TG: variants seen among roughly 807,000 people sequenced by gnomAD.
TG encodes the protein thyroglobulin.
Under a neutral mutation model 324.7 loss-of-function variants are expected in TG, and 270 were observed. The ratio of observed to expected loss-of-function variants is 0.83; its 90% confidence interval spans 0.75 to 0.92. The LOEUF (loss-of-function observed/expected upper bound fraction) is 0.92. Ranked by LOEUF, TG falls within the 40% of genes least tolerant of loss-of-function variation. TG has a pLI of 0.00. For synonymous variants in TG, 1,401 were observed against 1,327.0 expected, an observed-to-expected ratio of 1.06 and a Z score of -1.21; for missense variants, 3,591 against 3,456.4, an observed-to-expected ratio of 1.04 and a Z score of -0.98.
chr8:133,067,776 TAGAAAGAAAGAAAGAAAA>T (rs1189458283), intron 41 of TG, among the ~76,000 whole-genome samples: 8 of 140,916 alleles, frequency 5.7e-5, no homozygotes, highest in Non-Finnish European at 1.2e-4. Context: ...AGACTCCATC[TAGAAAGAAAGAAAGAAAA>T]AGAAAGAAAG....
chr8:132,949,117 C>A (rs531631315), intron 27 of TG, among the ~76,000 whole-genome samples, 174 bp downstream of exon 27: 1 of 151,934 alleles, frequency 6.6e-6, no homozygotes, highest in African/African-American at 2.4e-5. Context: ...TTCAGCAGAA[C>A]TCTATGGGAA....
At chr8:132,976,644 A>G (rs986640630) in intron 34 of TG, among the ~76,000 whole-genome samples, 2 of 152,182 alleles carry the variant, frequency 1.3e-5, no homozygotes, top group Non-Finnish European at 2.9e-5. Context: ...AAAGTGCTAC[A>G]ATGTCATCAG....
chr8:132,970,535 G>A (rs960992487), intron 32 of TG, among the ~76,000 whole-genome samples: 9 of 152,200 alleles, frequency 5.9e-5, no homozygotes, highest in Non-Finnish European at 8.8e-5. Flanking sequence ...ATGAACCATT[G>A]ATCTATGAAG....
intron 41 of TG, among the ~76,000 whole-genome samples, chr8:133,044,047 G>A (rs1838826803): frequency 6.6e-6 from 1 of 152,154 alleles, no homozygotes; most frequent in African/African-American, 2.4e-5. Flanking sequence ...TCCTTGGGAG[G>A]GGGAACTACT....
intron 35 of TG, among the ~76,000 whole-genome samples, chr8:133,010,071 C>A (rs1468746840): frequency 7.9e-5 from 12 of 152,198 alleles, no homozygotes; most frequent in Non-Finnish European, 2.9e-5. Flanking sequence ...GGCAAAGACC[C>A]TTTCATACCT....
chr8:133,060,498 G>T (rs1323805518), intron 41 of TG: 5 of 784,210 alleles, frequency 6.4e-6, no homozygotes, highest in South Asian at 1.8e-5. Flanking sequence ...CCACAGCAGG[G>T]TTTGTGTGAG....
Position 133,081,400 on chromosome 8 carries a change from T to A in TG, c.7240-13644T>A, listed in dbSNP as rs558430920. ...GACAATAAGCTAACTATGAAAACCA[T>A]CTGGGGGGAGAGCAGACCCTATTGT... On this transcript the variant is annotated intron_variant, in intron 41 of 47. Coordinates refer to ENST00000220616, the MANE Select transcript of TG (RefSeq NM_003235.5). Among the ~76,000 whole-genome samples, 4 of 152,326 alleles carry A rather than the reference T, an allele frequency of 2.6e-5. No homozygotes were observed. In the South Asian group the frequency reaches 8.3e-4, roughly 32 times the overall value.
intron 40 of TG, among the ~76,000 whole-genome samples, chr8:133,026,405 C>T (rs1836081999): frequency 6.6e-6 from 1 of 152,146 alleles, no homozygotes; most frequent in Non-Finnish European, 1.5e-5. Context: ...AGTCTTGGTT[C>T]CTACGGATGT....
chr8:132,913,481 C>T lies in TG; in HGVS notation c.4378+216C>T, dbSNP rs2132395761. Among the ~76,000 whole-genome samples, 2 of 152,300 alleles carry T rather than the reference C, an allele frequency of 1.3e-5. 1 individual carries two copies. Among genetic ancestry groups the T allele is most frequent in the South Asian group, 4.1e-4 (2 of 4,826 alleles). Reference sequence around the variant, plus strand: ...AAGGAGCCCCATATTTGCAGTGATTCTTTCTGTTGGTTATTGATAAGCTTG... The same window carrying T: ...AAGGAGCCCCATATTTGCAGTGATTTTTTCTGTTGGTTATTGATAAGCTTG... On this transcript the variant is annotated intron_variant, in intron 20 of 47. Coordinates refer to ENST00000220616, the MANE Select transcript of TG (RefSeq NM_003235.5).
intron 37 of TG, among the ~76,000 whole-genome samples, chr8:133,015,117 C>A (rs1206943408): frequency 6.6e-6 from 1 of 152,196 alleles, no homozygotes; most frequent in Non-Finnish European, 1.5e-5. Context: ...AAGGGATCCA[C>A]CTGCCTCAGC....
At chr8:132,924,078 G>A (rs777754975) in intron 22 of TG, among the ~76,000 whole-genome samples, 5 of 151,890 alleles carry the variant, frequency 3.3e-5, no homozygotes, top group South Asian at 2.1e-4. Context: ...TCACCATAAC[G>A]TAGAATCAGT....
Position 132,944,550 on chromosome 8 carries a change from G to A in TG, c.5233+3008G>A, listed in dbSNP as rs556667983. Among the ~76,000 whole-genome samples the A allele has an allele frequency of 5.9e-5, 9 of 152,344 alleles. No individual in the cohort carries two copies. In the South Asian group the frequency reaches 1.9e-3, roughly 32 times the overall value. Reference sequence around the variant, plus strand: ...ACTGTAGGTGCAGAGGAATGCTGCTGAATTGGGCAGACCCCAAAGTGGGGA... The same window carrying A: ...ACTGTAGGTGCAGAGGAATGCTGCTAAATTGGGCAGACCCCAAAGTGGGGA... On this transcript the variant is annotated intron_variant, in intron 26 of 47. Transcript: ENST00000220616.
chr8:132,882,340 AGT>A, intron 6 of TG, 127 bp from the exon 7 acceptor site: 1 of 1,112,514 alleles, frequency 9.0e-7, no homozygotes, highest in South Asian at 1.2e-5. Flanking sequence ...AAACTGTTAA[AGT>A]GTTGTTCAGA....
At chr8:132,989,704 C>G (rs925373157) in intron 35 of TG, among the ~76,000 whole-genome samples, 1 of 152,156 alleles carries the variant, frequency 6.6e-6, no homozygotes. Flanking sequence ...TGCCTGTGCC[C>G]GTGGGTTGAC....
At chr8:133,116,315 A>T (rs891163925) in intron 44 of TG, among the ~76,000 whole-genome samples, 1 of 152,224 alleles carries the variant, frequency 6.6e-6, no homozygotes, top group African/African-American at 2.4e-5. Context: ...TCCTGGGAAG[A>T]TGTTTATTTC....
At position 133,004,512 on chromosome 8, in the gene TG, G is replaced by A. The variant is rs570203294; in HGVS notation, c.6263-7389G>A. 2.6e-4 allele frequency among the ~76,000 whole-genome samples: 39 copies of A among 152,272 alleles called. No individual in the cohort carries two copies. In the East Asian group the frequency reaches 7.5e-3, roughly 29 times the overall value. The stretch of plus-strand genomic sequence containing the variant: ...TTAGGTGGTGTCTCTATGGTCTGGG[G>A]GAGTATCCTGTGGTCTTTCCTCCAG... On this transcript the variant is annotated intron_variant, in intron 35 of 47. Coordinates refer to ENST00000220616, the MANE Select transcript of TG (RefSeq NM_003235.5).
At chr8:133,017,742 C>G in intron 37 of TG, 36 bp from the exon 38 acceptor site, 1 of 1,596,772 alleles carries the variant, frequency 6.3e-7, no homozygotes, top group South Asian at 1.1e-5. Context: ...GAGGCCTCTC[C>G]CCTTCCTCAC....
At chr8:132,979,525 A>G (rs978262954) in intron 34 of TG, among the ~76,000 whole-genome samples, 7 of 152,206 alleles carry the variant, frequency 4.6e-5, no homozygotes, top group African/African-American at 1.4e-4. Flanking sequence ...ATTCTTTATC[A>G]TCATTCACAT....
chr8:132,964,978 C>A (rs1360064087), intron 29 of TG: 2 of 700,576 alleles, frequency 2.9e-6, no homozygotes, highest in Admixed American at 4.0e-5. Context: ...ACACCTGTGC[C>A]AAGGCTCTGA....
Sources: allele counts gnomAD v4.1 joint callset (sites outside exome capture counted in the v4.1 genomes callset), GRCh38; gene constraint gnomAD v4.1.1; transcripts MANE v1.5; gene names NCBI Gene and HGNC (gene_info 2026-07-23, HGNC 2026-07-21).